The following KCNQ1 variants were observed in gnomAD, a reference collection of about 807,000 sequenced individuals.
KCNQ1 encodes potassium voltage-gated channel subfamily KQT member 1.
Under a neutral mutation model 72.4 loss-of-function variants are expected in KCNQ1, and 49 were observed. That is an observed-to-expected ratio of 0.68 (90% CI 0.54 to 0.86). The LOEUF (loss-of-function observed/expected upper bound fraction) is 0.86, where lower values mean the gene tolerates loss of function less well. KCNQ1 is among the 40% of genes least tolerant of loss of function. KCNQ1 has a pLI of 0.00. For synonymous variants in KCNQ1, 450 were observed against 412.6 expected (o/e 1.09, Z -1.10); for missense variants, 790 against 945.1 (o/e 0.84, Z 2.15).
Position 2,463,177 on chromosome 11 carries a change from G to T in KCNQ1, c.386+17693G>T, listed in dbSNP as rs143369041. On this transcript the variant is annotated intron_variant, in intron 1 of 15. Coordinates refer to ENST00000155840, the MANE Select transcript of KCNQ1 (RefSeq NM_000218.3). This position sits in a 1 kb window ranked among gnomAD's most constrained non-coding sequence, Gnocchi z 7.0. ...TGGGGAACTGGACGCTCCGTCCCTG[G>T]CTCAGCCTCTCCCGGCTGTGACCTT... Among the ~76,000 whole-genome samples, 12 of 152,240 alleles carry T rather than the reference G, an allele frequency of 7.9e-5. No homozygotes were observed. In the East Asian group the frequency reaches 2.3e-3, roughly 29 times the overall value.
rs577994009 is a variant in KCNQ1, at chr11:2,522,127, G to A, written c.387-5801G>A. 3.3e-5 allele frequency among the ~76,000 whole-genome samples: 5 copies of A among 152,334 alleles called. No individual in the cohort carries two copies. The East Asian group carries it at 9.6e-4, about 29-fold the overall frequency. On this transcript the variant is annotated intron_variant, in intron 1 of 15. Transcript: ENST00000155840. ...TGGTACTCGCCGTCACTGCTCCTGA[G>A]GCCTATTTGCTGTCAAGGGGAACAA...
At position 2,509,811 on chromosome 11, in the gene KCNQ1, T is replaced by C. The variant is rs1023292934; in HGVS notation, c.387-18117T>C. On this transcript the variant is annotated intron_variant, in intron 1 of 15. Coordinates refer to ENST00000155840, the MANE Select transcript of KCNQ1 (RefSeq NM_000218.3). This position sits in a 1 kb window ranked among gnomAD's most constrained non-coding sequence, Gnocchi z 6.3. ...TGGCTGAGCCAAGTGGACTGGGAGG[T>C]GTGGACAGGGAACCCTGGCGGGGCC... Among the ~76,000 whole-genome samples, 25 of 151,064 alleles carry C rather than the reference T, an allele frequency of 1.7e-4. No homozygotes were observed. Among genetic ancestry groups the C allele is most frequent in the African/African-American group, 5.6e-4 (23 of 41,018 alleles).
intron 15 of KCNQ1, among the ~76,000 whole-genome samples, chr11:2,779,146 A>G (rs534637995): frequency 6.6e-6 from 1 of 152,066 alleles, no homozygotes; most frequent in African/African-American, 2.4e-5. Context: ...GCTGGTGCAG[A>G]CCTTTGCCAG....
chr11:2,644,497 G>T (rs1849636309), intron 10 of KCNQ1: 5 of 397,966 alleles, frequency 1.3e-5, no homozygotes, highest in Admixed American at 4.4e-5. Flanking sequence ...TGATTTCTTT[G>T]TATAGTCTAT....
At chr11:2,522,298 C>A (rs1318069775) in intron 1 of KCNQ1, among the ~76,000 whole-genome samples, 2 of 152,136 alleles carry the variant, frequency 1.3e-5, no homozygotes, top group Admixed American at 1.3e-4. Context: ...TTCTCTCCCC[C>A]ACCCCTTCGC....
chr11:2,470,831 A>G (rs1846439674), intron 1 of KCNQ1, among the ~76,000 whole-genome samples: 3 of 152,044 alleles, frequency 2.0e-5, no homozygotes. Context: ...TAGAGAGCAA[A>G]CGTTTTGACT....
chr11:2,702,638 C>T (rs1056763930), intron 11 of KCNQ1, among the ~76,000 whole-genome samples: 2 of 152,198 alleles, frequency 1.3e-5, no homozygotes, highest in East Asian at 1.9e-4. Flanking sequence ...CTTGCCTCCA[C>T]CCTCTACCTA....
chr11:2,462,345 C>T lies in KCNQ1; in HGVS notation c.386+16861C>T, dbSNP rs780673615. 6.6e-6 allele frequency among the ~76,000 whole-genome samples: 1 copy of T among 152,190 alleles called. No homozygotes were observed. The highest frequency in any genetic ancestry group is 1.5e-5 in the Non-Finnish European group (1 of 68,030). The stretch of plus-strand genomic sequence containing the variant: ...AGGGCCACCCCCTCTGACTTGCCTC[C>T]TCCTCCTTCTGACTTGCCTCCTCTC... On this transcript the variant is annotated intron_variant, in intron 1 of 15. Transcript: ENST00000155840. This position sits in a 1 kb window ranked among gnomAD's most constrained non-coding sequence, Gnocchi z 8.2.
At chr11:2,760,728 T>C (rs1846379359) in intron 11 of KCNQ1, among the ~76,000 whole-genome samples, 1 of 152,202 alleles carries the variant, frequency 6.6e-6, no homozygotes, top group African/African-American at 2.4e-5. Context: ...CCCCTGTCTC[T>C]TACCAGCTCG....
chr11:2,778,170 GC>G, intron 15 of KCNQ1, 133 bp downstream of exon 15: 2 of 879,062 alleles, frequency 2.3e-6, no homozygotes, highest in Non-Finnish European at 3.7e-6. Flanking sequence ...ACTGCAGCCT[GC>G]CCAGCAACTC....
intron 15 of KCNQ1, among the ~76,000 whole-genome samples, chr11:2,794,764 C>T (rs1287362839): frequency 6.6e-6 from 1 of 152,124 alleles, no homozygotes; most frequent in Admixed American, 6.5e-5. Flanking sequence ...CCCTCTGGCC[C>T]CCATCTCCCA....
Position 2,626,222 on chromosome 11 carries a change from G to A in KCNQ1, c.1394-35739G>A, listed in dbSNP as rs1849259916. 5.0e-6 allele frequency: 2 copies of A among 398,326 alleles called. No homozygotes were observed. Among genetic ancestry groups the A allele is most frequent in the Non-Finnish European group, 8.8e-6 (2 of 226,040 alleles). 24.7% of individuals were successfully genotyped at this position (398,326 alleles called of 1,614,324 possible). A position where few individuals can be genotyped will look rare whatever the true frequency, so the allele number is the denominator to read the frequency against. On this transcript the variant is annotated intron_variant, in intron 10 of 15. Transcript: ENST00000155840. This position sits in a 1 kb window ranked among gnomAD's most constrained non-coding sequence, Gnocchi z 4.0. ...TTTGACCCATTTTGAGTAAGTTTTTGTACACAGTGTTAGGTAAGGGTCTCA... is the reference window on the plus strand; with the variant it reads ...TTTGACCCATTTTGAGTAAGTTTTTATACACAGTGTTAGGTAAGGGTCTCA...
intron 1 of KCNQ1, among the ~76,000 whole-genome samples, chr11:2,461,084 G>A (rs181787942): frequency 6.6e-6 from 1 of 152,334 alleles, no homozygotes; most frequent in Non-Finnish European, 1.5e-5. Context: ...GTGGCTGGGG[G>A]CAGCCTGGGG....
At position 2,495,436 on chromosome 11, in the gene KCNQ1, C is replaced by A. The variant is rs187183672; in HGVS notation, c.387-32492C>A. On this transcript the variant is annotated intron_variant, in intron 1 of 15. Coordinates refer to ENST00000155840, the MANE Select transcript of KCNQ1 (RefSeq NM_000218.3). The surrounding 1 kb of genome is among the most constrained non-coding windows in gnomAD (Gnocchi z 4.6). ...TCTTTTAATTGTGATGTTTGGGTGTCGATTTCAGATCTCTCTAGCTTTCTG... is the reference window on the plus strand; with the variant it reads ...TCTTTTAATTGTGATGTTTGGGTGTAGATTTCAGATCTCTCTAGCTTTCTG... Among the ~76,000 whole-genome samples, 11 of 152,056 alleles carry A rather than the reference C, an allele frequency of 7.2e-5. No homozygotes were observed. Among genetic ancestry groups the A allele is most frequent in the Non-Finnish European group, 1.6e-4 (11 of 68,032 alleles).
intron 1 of KCNQ1, among the ~76,000 whole-genome samples, chr11:2,470,772 T>G (rs2133596230): frequency 6.6e-6 from 1 of 152,108 alleles, no homozygotes; most frequent in South Asian, 2.1e-4. Flanking sequence ...AACCCTGGTC[T>G]CGATCAATCC....
intron 2 of KCNQ1, among the ~76,000 whole-genome samples, chr11:2,554,132 T>A (rs1589947272): frequency 2.6e-5 from 4 of 152,224 alleles, no homozygotes; most frequent in Admixed American, 1.3e-4. Context: ...TTGTGTCTGG[T>A]TTTGGCATCA....
intron 11 of KCNQ1, among the ~76,000 whole-genome samples, chr11:2,758,755 G>A (rs913340651): frequency 1.4e-4 from 21 of 152,166 alleles, no homozygotes; most frequent in African/African-American, 5.1e-4. Flanking sequence ...CAACCTAAGC[G>A]GATCTTACGG....
intron 15 of KCNQ1, among the ~76,000 whole-genome samples, chr11:2,788,070 A>T (rs1846946290): frequency 6.6e-6 from 1 of 152,194 alleles, no homozygotes; most frequent in African/African-American, 2.4e-5. Context: ...GAGTGCCCAT[A>T]GAATGTGGTG....
chr11:2,589,924 G>A (rs1848649405), intron 10 of KCNQ1, among the ~76,000 whole-genome samples: 1 of 152,200 alleles, frequency 6.6e-6, no homozygotes, highest in African/African-American at 2.4e-5. Flanking sequence ...TCTACAGAGT[G>A]TGAGGGGCTG....
Sources: gnomAD v4.1 joint callset for allele counts (sites outside exome capture counted in the v4.1 genomes callset) on GRCh38, gnomAD v4.1.1 for gene constraint, Gnocchi (gnomAD v3.1) non-coding constraint, MANE v1.5 for transcripts, NCBI Gene and HGNC (gene_info 2026-07-23, HGNC 2026-07-21) for gene names.